Variants in ADAMTS19 observed in about 807,000 individuals in gnomAD.
ADAMTS19 encodes ADAM metallopeptidase with thrombospondin type 1 motif 19.
Under a neutral mutation model 153.3 loss-of-function variants are expected in ADAMTS19, and 93 were observed. The observed-to-expected ratio is 0.61, with a 90% confidence interval of 0.51 to 0.72. The LOEUF is 0.72. ADAMTS19 is among the 30% of genes least tolerant of loss of function. The probability of loss-of-function intolerance (pLI) is 0.00; values close to 1 mark genes in which losing one functional copy is unlikely to be tolerated. For synonymous variants in ADAMTS19, 600 were observed against 556.6 expected, an observed-to-expected ratio of 1.08 and a Z score of -1.10; for missense variants, 1,482 against 1,552.1, an observed-to-expected ratio of 0.95 and a Z score of 0.76.
chr5:129,474,489 A>G (rs1357604284), intron 2 of ADAMTS19, among the ~76,000 whole-genome samples: 2 of 152,198 alleles, frequency 1.3e-5, no homozygotes, highest in East Asian at 3.9e-4. Context: ...CTTTTTTTCA[A>G]ATTACTATAT....
chr5:129,721,488 G>A (rs955794581), intron 21 of ADAMTS19, among the ~76,000 whole-genome samples: 11 of 152,244 alleles, frequency 7.2e-5, no homozygotes, highest in Non-Finnish European at 1.5e-4. Context: ...GAACATACTG[G>A]AGCTATGACA....
At chr5:129,555,255 T>TA (rs1019799796) in intron 7 of ADAMTS19, among the ~76,000 whole-genome samples, 12 of 152,228 alleles carry the variant, frequency 7.9e-5, no homozygotes, top group African/African-American at 2.6e-4. Flanking sequence ...GAACAGCACT[T>TA]ACAGGATTTG....
chr5:129,641,831 T>C, intron 10 of ADAMTS19, 28 bp from the exon 11 acceptor site: 1 of 1,458,410 alleles, frequency 6.9e-7, no homozygotes, highest in South Asian at 1.2e-5. Context: ...TACCTTCCCC[T>C]TATTAGTTAT....
At chr5:129,653,806 T>C (rs1247414961) in intron 13 of ADAMTS19, among the ~76,000 whole-genome samples, 5 of 152,168 alleles carry the variant, frequency 3.3e-5, no homozygotes, top group Admixed American at 6.6e-5. Context: ...CTTTAGACAT[T>C]TTTTCAATTA....
chr5:129,522,316 T>TATATACACACACACAC (rs1249492013), intron 3 of ADAMTS19, among the ~76,000 whole-genome samples: 1 of 91,968 alleles, frequency 1.1e-5, no homozygotes, highest in African/African-American at 4.7e-5. Flanking sequence ...TATATATATA[T>TATATACACACACACAC]ACACACACAC....
intron 21 of ADAMTS19, among the ~76,000 whole-genome samples, chr5:129,731,199 C>G (rs1036247742): frequency 1.3e-5 from 2 of 151,950 alleles, no homozygotes; most frequent in Admixed American, 6.6e-5. Flanking sequence ...CCTCAAGTGA[C>G]TGCCGGCCTC....
chr5:129,516,465 C>G (rs1751612470), intron 3 of ADAMTS19, among the ~76,000 whole-genome samples: 1 of 151,580 alleles, frequency 6.6e-6, no homozygotes, highest in Non-Finnish European at 1.5e-5. Flanking sequence ...TTTATTATGG[C>G]TTCAATCTTG....
chr5:129,632,085 A>G (rs1752322153), intron 10 of ADAMTS19, among the ~76,000 whole-genome samples: 2 of 152,080 alleles, frequency 1.3e-5, no homozygotes, highest in Admixed American at 1.3e-4. Context: ...GCTTGTCAGC[A>G]GCAGAGCCTC....
intron 7 of ADAMTS19, among the ~76,000 whole-genome samples, chr5:129,592,563 TAC>T (rs1433715653): frequency 6.6e-6 from 1 of 152,168 alleles, no homozygotes; most frequent in Non-Finnish European, 1.5e-5. Context: ...TAGTCGTGGT[TAC>T]AGTCATTCTC....
At chr5:129,548,329 A>G (rs1347797220) in intron 6 of ADAMTS19, among the ~76,000 whole-genome samples, 2 of 149,634 alleles carry the variant, frequency 1.3e-5, no homozygotes, top group Non-Finnish European at 3.0e-5. Flanking sequence ...AAATTTACAA[A>G]AAAAAAAACA....
At chr5:129,701,825 C>A (rs1466796890) in intron 20 of ADAMTS19, among the ~76,000 whole-genome samples, 1 of 151,960 alleles carries the variant, frequency 6.6e-6, no homozygotes, top group Non-Finnish European at 1.5e-5. Context: ...ATTTTATACA[C>A]ATTTTAAATT....
chr5:129,684,046 T>C, intron 17 of ADAMTS19, 74 bp from the exon 18 acceptor site: 2 of 1,429,144 alleles, frequency 1.4e-6, no homozygotes, highest in Admixed American at 4.1e-5. Flanking sequence ...AGTATCAATA[T>C]TGTTAATTTT....
intron 21 of ADAMTS19, among the ~76,000 whole-genome samples, chr5:129,726,591 A>T (rs751856137): frequency 5.1e-4 from 77 of 152,186 alleles, no homozygotes; most frequent in Non-Finnish European, 8.1e-4. Flanking sequence ...CACCTACTTA[A>T]GGGTCCACTC....
At chr5:129,493,745 A>G (rs1241818632) in intron 2 of ADAMTS19, among the ~76,000 whole-genome samples, 2 of 152,162 alleles carry the variant, frequency 1.3e-5, no homozygotes, top group Non-Finnish European at 2.9e-5. Context: ...TAATTCCTTC[A>G]ATGAAGAAAT....
rs768431194 is a variant in ADAMTS19, at chr5:129,641,808, T to TA, written c.1771-44dup. The TA allele has an allele frequency of 1.4e-5, 18 of 1,255,528 alleles. No individual in the cohort carries two copies. The Admixed American group carries it at 1.8e-4, about 13-fold the overall frequency. 77.8% of individuals were successfully genotyped at this position (1,255,528 alleles called of 1,614,324 possible). A position where few individuals can be genotyped will look rare whatever the true frequency, so the allele number is the denominator to read the frequency against. ...TTTCTTAACAATGATTGGCTTCACTTAAAAAAATGTGATACCTTCCCCTTA... is the reference window on the plus strand; with the variant it reads ...TTTCTTAACAATGATTGGCTTCACTTAAAAAAAATGTGATACCTTCCCCTTA... On this transcript the variant is annotated intron_variant, in intron 10 of 22. Coordinates refer to ENST00000274487, the MANE Select transcript of ADAMTS19 (RefSeq NM_133638.6).
chr5:129,460,329 C>A lies in ADAMTS19; in HGVS notation c.-63C>A. On this transcript the variant is annotated 5_prime_UTR_variant, in exon 1 of 23. Coordinates refer to ENST00000274487, the MANE Select transcript of ADAMTS19 (RefSeq NM_133638.6). ...CTAGCGCTCCGGGGAGGCCGCTGCG[C>A]CCCGGAGTGGATCGCGCTGGAGGCG... 2 of 1,443,988 alleles carry A rather than the reference C, an allele frequency of 1.4e-6. No homozygotes were observed. Among genetic ancestry groups the A allele is most frequent in the South Asian group, 2.3e-5 (2 of 87,736 alleles). The allele number at this position is 1,443,988 out of a possible 1,614,324, so 89.4% of individuals were successfully genotyped here. A position where few individuals can be genotyped will look rare whatever the true frequency, so the allele number is the denominator to read the frequency against.
intron 2 of ADAMTS19, among the ~76,000 whole-genome samples, chr5:129,489,987 A>G (rs573551992): frequency 1.3e-5 from 2 of 152,310 alleles, no homozygotes; most frequent in Non-Finnish European, 1.5e-5. Flanking sequence ...AATGCTACCT[A>G]TTAGGTACTT....
At chr5:129,509,490 G>C (rs1421791880) in intron 3 of ADAMTS19, among the ~76,000 whole-genome samples, 1 of 151,822 alleles carries the variant, frequency 6.6e-6, no homozygotes, top group Non-Finnish European at 1.5e-5. Context: ...TACTTTTCTT[G>C]AATTGTAAAG....
chr5:129,527,771 G>C lies in ADAMTS19; in HGVS notation c.1110G>C (p.Lys370Asn). The C allele has an allele frequency of 6.3e-7, 1 of 1,588,802 alleles. No individual in the cohort carries two copies. The highest frequency in any genetic ancestry group is 8.6e-7 in the Non-Finnish European group (1 of 1,161,684). The change falls in exon 5 of 23, where the codon AAG (lysine) becomes AAC (asparagine). Residue 370 changes from lysine to asparagine, a missense_variant. By Grantham distance (94) the Lys-to-Asn change is moderately conservative. Around this residue, in one of 2 missense-constraint regions of ADAMTS19, gnomAD observed 866 missense variants for 827.7 expected, o/e 1.05. Transcript: ENST00000274487. ...AGGTATTTAACCTTTTCCAACACAA[G>C]AGTCTGAGTGTGCAGGTCAATCTTC... Reference protein sequence around the residue: ...LNMVFNLFQHKSLSVQVNLRV... With the variant: ...LNMVFNLFQHNSLSVQVNLRV...
Sources: gnomAD v4.1 joint callset for allele counts (sites outside exome capture counted in the v4.1 genomes callset) on GRCh38, gnomAD v4.1.1 for gene constraint, gnomAD v4.1.1 regional missense constraint, MANE v1.5 for transcripts, NCBI Gene and HGNC (gene_info 2026-07-23, HGNC 2026-07-21) for gene names.